Variants in PCDHA10 observed in about 807,000 individuals in gnomAD.
PCDHA10 encodes the protein protocadherin alpha-10.
In PCDHA10, 45 loss-of-function variants were observed where a neutral mutation model predicts 61.2. The ratio of observed to expected loss-of-function variants is 0.74; its 90% CI spans 0.58 to 0.94. The LOEUF is 0.94. Ranked by LOEUF, PCDHA10 falls within the 40% of genes least tolerant of loss-of-function variation. The pLI, the probability that PCDHA10 is intolerant of heterozygous loss-of-function variation, is 0.00. For synonymous variants in PCDHA10, 602 were observed against 548.8 expected (o/e 1.10, Z -1.35); for missense variants, 1,278 against 1,236.2 (o/e 1.03, Z -0.51).
intron 1 of PCDHA10, among the ~76,000 whole-genome samples, chr5:140,919,778 A>G (rs1252402940): frequency 2.6e-5 from 4 of 152,170 alleles, no homozygotes; most frequent in Non-Finnish European, 5.9e-5. Context: ...TGTTACACAT[A>G]TTACATCTTG....
At chr5:140,965,400 G>A (rs782574003) in intron 1 of PCDHA10, among the ~76,000 whole-genome samples, 1 of 152,154 alleles carries the variant, frequency 6.6e-6, no homozygotes, top group Non-Finnish European at 1.5e-5. Context: ...GAAGTCTAAG[G>A]AGTCTTATAT....
chr5:140,920,858 A>AG (rs2079893810), intron 1 of PCDHA10, among the ~76,000 whole-genome samples: 1 of 151,604 alleles, frequency 6.6e-6, no homozygotes, highest in African/African-American at 2.4e-5. Context: ...AAAAAAAAAA[A>AG]CAAACAAACT....
intron 3 of PCDHA10, among the ~76,000 whole-genome samples, chr5:141,008,824 T>C (rs1042258496): frequency 6.6e-6 from 1 of 152,186 alleles, no homozygotes; most frequent in African/African-American, 2.4e-5. Flanking sequence ...TACAACAGGA[T>C]TCCATCCTCT....
intron 1 of PCDHA10, among the ~76,000 whole-genome samples, chr5:140,941,445 A>C (rs1472770794): frequency 8.0e-5 from 12 of 149,892 alleles, no homozygotes; most frequent in Middle Eastern, 6.8e-3. Context: ...CCTCGGGAGT[A>C]GCTGGGATTA....
At chr5:140,878,461 T>G (rs1274651575) in intron 1 of PCDHA10, among the ~76,000 whole-genome samples, 1 of 152,230 alleles carries the variant, frequency 6.6e-6, no homozygotes, top group Non-Finnish European at 1.5e-5. Context: ...TGAAATATAA[T>G]AAAATCATTT....
chr5:140,856,763 C>G lies in PCDHA10; in HGVS notation c.715C>G (p.Pro239Ala), dbSNP rs1004781576. 1.9e-6 allele frequency: 3 copies of G among 1,596,086 alleles called. No individual in the cohort carries two copies. Among genetic ancestry groups the G allele is most frequent in the Admixed American group, 1.7e-5 (1 of 59,086 alleles). The change falls in exon 1 of 4, where the codon CCT becomes GCT. Residue 239 changes from proline to alanine, a missense_variant. Coordinates refer to ENST00000307360, the MANE Select transcript of PCDHA10 (RefSeq NM_018901.4). ...ILVLDANDNA[P>A]IFDRPVYEVK... is the part of the protein sequence containing the mutation. ...GGTGTTAGATGCCAATGATAACGCC[C>G]CTATCTTTGACAGACCGGTTTATGA...
At position 140,858,282 on chromosome 5, in the gene PCDHA10, G is replaced by T. The variant is rs782040852; in HGVS notation, c.2234G>T (p.Ser745Ile). Residue 745 changes from serine to isoleucine, a missense_variant, in exon 1 of 4, where the codon AGC becomes ATC. Coordinates refer to ENST00000307360, the MANE Select transcript of PCDHA10 (RefSeq NM_018901.4). ...CTGGTGTGCTCTAGCGCGGTGGGGA[G>T]CTGGTCTTACTCGCAGCAGAGGCGG... ...PTLVCSSAVGSWSYSQQRRQR... is the reference protein window; with the variant it reads ...PTLVCSSAVGIWSYSQQRRQR... 2.5e-6 allele frequency: 4 copies of T among 1,597,480 alleles called. No homozygotes were observed. The highest frequency in any genetic ancestry group is 3.4e-6 in the Non-Finnish European group (4 of 1,167,300).
chr5:140,859,470 A>G (rs184833883), intron 1 of PCDHA10: 1 of 211,162 alleles, frequency 4.7e-6, no homozygotes, highest in South Asian at 1.3e-4. Context: ...TACACTATCA[A>G]TTGTGTTTTC....
rs188500854 is a variant in PCDHA10 at position 140,955,348 on chromosome 5, G to C, written c.2389-23601G>C. ...GTAGTTCCCATAATCCCCACATGTT[G>C]TGAGAGGGACCCAGTGGGAGGTAAT... On this transcript the variant is annotated intron_variant, in intron 1 of 3. Coordinates refer to ENST00000307360, the MANE Select transcript of PCDHA10 (RefSeq NM_018901.4). Among the ~76,000 whole-genome samples the C allele has an allele frequency of 1.6e-4, 24 of 152,204 alleles. No individual in the cohort carries two copies. The East Asian group carries it at 2.7e-3, about 17-fold the overall frequency.
At chr5:140,882,460 C>T in intron 1 of PCDHA10, 4 of 1,613,998 alleles carry the variant, frequency 2.5e-6, no homozygotes, top group Non-Finnish European at 3.4e-6. Context: ...CGCGCCTGTT[C>T]CGGGTGGCGT....
intron 1 of PCDHA10, among the ~76,000 whole-genome samples, chr5:140,873,728 T>C (rs1208346643): frequency 6.6e-6 from 1 of 152,190 alleles, no homozygotes; most frequent in African/African-American, 2.4e-5. Flanking sequence ...TGGCGCAATC[T>C]CAGCTCACTG....
intron 1 of PCDHA10, among the ~76,000 whole-genome samples, chr5:140,963,103 G>A (rs2095737477): frequency 1.3e-5 from 2 of 151,910 alleles, no homozygotes; most frequent in South Asian, 4.1e-4. Flanking sequence ...CTGCTTTCAG[G>A]TTGCTTATAA....
At chr5:140,969,141 G>T in intron 1 of PCDHA10, 1 of 1,614,158 alleles carries the variant, frequency 6.2e-7, no homozygotes, top group Non-Finnish European at 8.5e-7. Context: ...AAGACCTACT[G>T]CTACAAGGCC....
At chr5:140,980,397 C>T (rs888776890) in intron 2 of PCDHA10, among the ~76,000 whole-genome samples, 3 of 152,100 alleles carry the variant, frequency 2.0e-5, no homozygotes, top group South Asian at 2.1e-4. Context: ...TTTGGGAGGC[C>T]GAGGTGGGCA....
In PCDHA10 at chr5:141,010,099, G is replaced by T; in HGVS notation, c.*162G>T. 5 of 1,612,768 alleles carry T rather than the reference G, an allele frequency of 3.1e-6. No individual in the cohort carries two copies. The highest frequency in any genetic ancestry group is 4.2e-6 in the Non-Finnish European group (5 of 1,179,316). On this transcript the variant is annotated 3_prime_UTR_variant, in exon 4 of 4. Coordinates refer to ENST00000307360, the MANE Select transcript of PCDHA10 (RefSeq NM_018901.4). ...GTGTCTGTCTAGAACGCATTTAACA[G>T]GTTTTGTCGTAAAAGCTTTACTAAG...
chr5:140,898,462 CTTGT>C (rs2066755516), intron 1 of PCDHA10, among the ~76,000 whole-genome samples: 1 of 150,202 alleles, frequency 6.7e-6, no homozygotes, highest in South Asian at 2.1e-4. Flanking sequence ...TTCCCCATTG[CTTGT>C]TTTTCTCAGG....
intron 1 of PCDHA10, among the ~76,000 whole-genome samples, chr5:140,965,508 T>C (rs1278735339): frequency 6.6e-6 from 1 of 152,124 alleles, no homozygotes; most frequent in Non-Finnish European, 1.5e-5. Context: ...TTTTTTTTTT[T>C]TTTAACTGCA....
At chr5:140,911,249 C>T (rs782367621) in intron 1 of PCDHA10, among the ~76,000 whole-genome samples, 4 of 152,152 alleles carry the variant, frequency 2.6e-5, no homozygotes, top group African/African-American at 4.8e-5. Context: ...AAAGTTTCAT[C>T]AGAATTTATA....
intron 1 of PCDHA10, chr5:140,928,636 A>G: frequency 6.2e-7 from 1 of 1,614,206 alleles, no homozygotes; most frequent in Non-Finnish European, 8.5e-7. Context: ...CTTGGTCACA[A>G]AAGTGGTAGC....
Sources: allele counts gnomAD v4.1 joint callset (sites outside exome capture counted in the v4.1 genomes callset), GRCh38; gene constraint gnomAD v4.1.1; transcripts MANE v1.5; gene names NCBI Gene and HGNC (gene_info 2026-07-23, HGNC 2026-07-21).